DENND1A: variants seen among roughly 807,000 people sequenced by gnomAD.
DENND1A encodes the protein DENN domain-containing protein 1A.
In DENND1A, 51 loss-of-function variants were observed where a neutral mutation model predicts 113.7. That is an observed-to-expected ratio of 0.45 (90% CI 0.36 to 0.57). The LOEUF is 0.57. Ranked by LOEUF, DENND1A falls within the 20% of genes least tolerant of loss-of-function variation. DENND1A has a pLI of 0.00. For missense variants in DENND1A, 1,258 were observed against 1,395.9 expected, an observed-to-expected ratio of 0.90 and a Z score of 1.57; for synonymous variants, 565 against 570.8, an observed-to-expected ratio of 0.99 and a Z score of 0.14.
At chr9:123,697,441 G>A (rs1298147695) in intron 5 of DENND1A, among the ~76,000 whole-genome samples, 1 of 152,104 alleles carries the variant, frequency 6.6e-6, no homozygotes, top group African/African-American at 2.4e-5. Flanking sequence ...TTGGTTACAT[G>A]AGTAAGTTCT....
At chr9:123,467,585 G>T (rs1205495578) in intron 13 of DENND1A, among the ~76,000 whole-genome samples, 1 of 152,150 alleles carries the variant, frequency 6.6e-6, no homozygotes, top group African/African-American at 2.4e-5. Context: ...AAATCAGAAG[G>T]CAGAGGTTGC....
chr9:123,383,469 T>A (rs2042389335), intron 23 of DENND1A, among the ~76,000 whole-genome samples, 186 bp downstream of exon 23: 1 of 152,166 alleles, frequency 6.6e-6, no homozygotes, highest in African/African-American at 2.4e-5. Flanking sequence ...CTACCGTCAC[T>A]GTTAGGGTGG....
rs1280403668 is a variant in DENND1A at position 123,701,957 on chromosome 9, A to AG, written c.303-25169dup. ...ACGTTGTCACTAAACAGACAAAATG[A>AG]GGTACTAGTGACTGACCATAAAGAG... On this transcript the variant is annotated intron_variant, in intron 5 of 23. Coordinates refer to ENST00000394215, the MANE Select transcript of DENND1A (RefSeq NM_001352964.2). 2.0e-5 allele frequency among the ~76,000 whole-genome samples: 3 copies of AG among 152,352 alleles called. No homozygotes were observed. The East Asian group carries it at 5.8e-4, about 29-fold the overall frequency.
At chr9:123,736,703 C>T (rs1035479106) in intron 5 of DENND1A, among the ~76,000 whole-genome samples, 4 of 152,114 alleles carry the variant, frequency 2.6e-5, no homozygotes, top group African/African-American at 9.7e-5. Context: ...TGAATTATGG[C>T]AATAAAGCCC....
intron 13 of DENND1A, among the ~76,000 whole-genome samples, chr9:123,516,107 TACACACAC>T (rs199923277): frequency 0.038 from 5,278 of 138,568 alleles, 116 homozygotes; most frequent in African/African-American, 0.051. Flanking sequence ...TACACACACA[TACACACAC>T]ACACACACAC....
intron 13 of DENND1A, among the ~76,000 whole-genome samples, chr9:123,556,789 A>C (rs907413802): frequency 6.6e-6 from 1 of 152,256 alleles, no homozygotes; most frequent in Non-Finnish European, 1.5e-5. Context: ...CAGTTCCTGC[A>C]TTCTCCTCAA....
At chr9:123,522,976 GCT>G (rs1158846056) in intron 13 of DENND1A, among the ~76,000 whole-genome samples, 3 of 152,232 alleles carry the variant, frequency 2.0e-5, no homozygotes. Flanking sequence ...TAAGAACTGA[GCT>G]CTCTTTTCCT....
chr9:123,495,141 T>TCTCTCTCTCTCTCTCTCTCTC (rs2051763656), intron 13 of DENND1A, among the ~76,000 whole-genome samples: 21 of 140,646 alleles, frequency 1.5e-4, no homozygotes, highest in African/African-American at 5.1e-4. Context: ...CATTGTCTCT[T>TCTCTCTCTCTCTCTCTCTCTC]TCTCTCTCTC....
intron 5 of DENND1A, among the ~76,000 whole-genome samples, chr9:123,756,469 C>G (rs767326006): frequency 2.0e-5 from 3 of 152,142 alleles, no homozygotes; most frequent in Non-Finnish European, 4.4e-5. Flanking sequence ...GCCTGGGCTA[C>G]TAAGGCGTGC....
At chr9:123,467,547 C>G (rs928610485) in intron 13 of DENND1A, among the ~76,000 whole-genome samples, 2 of 152,100 alleles carry the variant, frequency 1.3e-5, no homozygotes, top group Non-Finnish European at 2.9e-5. Flanking sequence ...CCCAGCTACT[C>G]AGGAGGCTGA....
intron 3 of DENND1A, among the ~76,000 whole-genome samples, chr9:123,783,570 C>T (rs180938831): frequency 6.6e-6 from 1 of 152,314 alleles, no homozygotes; most frequent in Admixed American, 6.5e-5. Context: ...ATGACACCCT[C>T]ATAGCTATCC....
At chr9:123,910,385 G>A (rs1853730924) in intron 1 of DENND1A, among the ~76,000 whole-genome samples, 1 of 152,160 alleles carries the variant, frequency 6.6e-6, no homozygotes, top group South Asian at 2.1e-4. Context: ...CTTGATAAAT[G>A]TTAAGTCAAA....
chr9:123,806,431 A>G (rs1472560012), intron 2 of DENND1A, among the ~76,000 whole-genome samples: 1 of 151,874 alleles, frequency 6.6e-6, no homozygotes, highest in Non-Finnish European at 1.5e-5. Flanking sequence ...TAATATTTGC[A>G]TTTTTAGTAG....
intron 19 of DENND1A, among the ~76,000 whole-genome samples, chr9:123,417,888 G>A (rs957403643): frequency 6.6e-6 from 1 of 151,990 alleles, no homozygotes; most frequent in Non-Finnish European, 1.5e-5. Context: ...CATAGATTGG[G>A]GGGGGGGCAG....
chr9:123,625,639 C>G (rs114395387), intron 10 of DENND1A, among the ~76,000 whole-genome samples: 8,360 of 152,200 alleles, frequency 0.055, 255 homozygotes, highest in African/African-American at 0.064. Flanking sequence ...AGCTACTAGG[C>G]AGGCAGAGGC....
At chr9:123,863,762 T>C (rs1358535543) in intron 2 of DENND1A, among the ~76,000 whole-genome samples, 1 of 152,216 alleles carries the variant, frequency 6.6e-6, no homozygotes, top group Non-Finnish European at 1.5e-5. Context: ...AAAAGCAGGC[T>C]AAAATATCTC....
chr9:123,564,091 A>G (rs1471361184), intron 12 of DENND1A, among the ~76,000 whole-genome samples: 1 of 152,192 alleles, frequency 6.6e-6, no homozygotes, highest in Non-Finnish European at 1.5e-5. Flanking sequence ...AATCGGCTAC[A>G]AGTTAGCTTA....
At chr9:123,503,387 G>C (rs1210532839) in intron 13 of DENND1A, among the ~76,000 whole-genome samples, 2 of 152,118 alleles carry the variant, frequency 1.3e-5, no homozygotes, top group African/African-American at 2.4e-5. Flanking sequence ...TCAACAAATG[G>C]CTTCAAAGAG....
intron 2 of DENND1A, among the ~76,000 whole-genome samples, chr9:123,805,720 C>G (rs1444511999): frequency 6.6e-6 from 1 of 152,024 alleles, no homozygotes. Flanking sequence ...AGGTGGGAGC[C>G]ACTGCACCAT....
Sources: allele counts gnomAD v4.1 joint callset (sites outside exome capture counted in the v4.1 genomes callset), GRCh38; gene constraint gnomAD v4.1.1; transcripts MANE v1.5; gene names NCBI Gene and HGNC (gene_info 2026-07-23, HGNC 2026-07-21).